Variants in SSTR5 observed in about 807,000 individuals in gnomAD.
SSTR5 encodes the protein somatostatin receptor 5.
SSTR5 carries 1 observed loss-of-function variant against 0.3 expected under a neutral mutation model. The ratio of observed to expected loss-of-function variants is 2.98; its 90% CI spans 1.06 to 14.15. The LOEUF (loss-of-function observed/expected upper bound fraction) is 14.15, where lower values mean the gene tolerates loss of function less well. Ranked by LOEUF, SSTR5 falls within the 30% of genes most tolerant of loss-of-function variation. SSTR5 has a pLI of 0.12. For missense variants in SSTR5, 516 were observed against 543.2 expected (o/e 0.95, Z 0.50); for synonymous variants, 256 against 263.1 (o/e 0.97, Z 0.26).
chr16:1,079,997 C>A lies in SSTR5; in HGVS notation c.*34C>A, dbSNP rs757243200. The A allele has an allele frequency of 6.4e-7, 1 of 1,556,652 alleles. No homozygotes were observed. Among genetic ancestry groups the A allele is most frequent in the Non-Finnish European group, 8.7e-7 (1 of 1,153,278 alleles). On this transcript the variant is annotated 3_prime_UTR_variant, in exon 2 of 2. Transcript: ENST00000689027. ...GCGGGGGGTGGGCGGCCCCGTGTCA[C>A]CCCCAGGAGCGGAGGTTGCACTGCG...
intron 1 of SSTR5, among the ~76,000 whole-genome samples, chr16:1,077,304 G>A (rs1004184454): frequency 1.3e-5 from 2 of 152,178 alleles, no homozygotes; most frequent in Non-Finnish European, 2.9e-5. Context: ...CCCAGGGAGG[G>A]GCTTGTCCCT....
In SSTR5 at chr16:1,080,903, T is replaced by C. The variant is rs753926459; in HGVS notation, c.*940T>C. ...ACAGGGAACCTGCGGCCGTCTCTTC[T>C]GCTTTGGGGCAGGGGCTCTGGCCCG... On this transcript the variant is annotated 3_prime_UTR_variant, in exon 2 of 2. Coordinates refer to ENST00000689027, the MANE Select transcript of SSTR5 (RefSeq NM_001172560.3). 2.1e-5 allele frequency: 8 copies of C among 386,858 alleles called. No homozygotes were observed. The highest frequency in any genetic ancestry group is 4.3e-5 in the Non-Finnish European group (8 of 185,698). 24.0% of individuals were successfully genotyped at this position (386,858 alleles called of 1,614,324 possible).
chr16:1,077,567 G>A (rs1960238401), intron 1 of SSTR5: 2 of 152,342 alleles, frequency 1.3e-5, no homozygotes, highest in Admixed American at 1.3e-4. Flanking sequence ...GGGACTACAG[G>A]CGCCCGCCAC....
chr16:1,080,100 G>C lies in SSTR5; in HGVS notation c.*137G>C, dbSNP rs1253893451. The C allele has an allele frequency of 1.6e-6, 2 of 1,228,044 alleles. No homozygotes were observed. The highest frequency in any genetic ancestry group is 3.0e-5 in the African/African-American group (2 of 65,654). 76.1% of individuals were successfully genotyped at this position (1,228,044 alleles called of 1,614,324 possible). ...GGACAGAGCTGGCTGAAGCCAGGCT[G>C]GGGTAGACACAGGGCAGTAGGTTCC... is the stretch of plus-strand genomic sequence containing the variant. On this transcript the variant is annotated 3_prime_UTR_variant, in exon 2 of 2. Transcript: ENST00000689027.
rs1005123878 is a variant in SSTR5, at chr16:1,080,422, C to T, written c.*459C>T. On this transcript the variant is annotated 3_prime_UTR_variant, in exon 2 of 2. Coordinates refer to ENST00000689027, the MANE Select transcript of SSTR5 (RefSeq NM_001172560.3). ...CAAGGCTGCTCTGCTAAGTTAAAGA[C>T]ACCCGAAAGCGCTTGACTCAGGTCC... is the stretch of plus-strand genomic sequence containing the variant. Among the ~76,000 whole-genome samples, 7 of 152,266 alleles carry T rather than the reference C, an allele frequency of 4.6e-5. No individual in the cohort carries two copies. Among genetic ancestry groups the T allele is most frequent in the Non-Finnish European group, 7.3e-5 (5 of 68,042 alleles).
At chr16:1,072,940 C>A (rs1405759256) in intron 1 of SSTR5, 118 bp downstream of exon 1, 4 of 152,336 alleles carry the variant, frequency 2.6e-5, no homozygotes, top group Non-Finnish European at 1.5e-5. Context: ...CGCCGTGCGC[C>A]CCCAGCCCGC....
chr16:1,078,597 C>T, intron 1 of SSTR5: 1 of 551,710 alleles, frequency 1.8e-6, no homozygotes, highest in East Asian at 3.1e-5. Flanking sequence ...GCAGCTGTCG[C>T]CATATCGACA....
intron 1 of SSTR5, among the ~76,000 whole-genome samples, chr16:1,075,141 TC>T (rs1960167248): frequency 1.3e-5 from 2 of 152,192 alleles, no homozygotes; most frequent in Admixed American, 1.3e-4. Flanking sequence ...GGATACTGCT[TC>T]CAAATAACGG....
rs766835623 is a variant in SSTR5 at position 1,079,349 on chromosome 16, G to T, written c.481G>T (p.Ala161Ser). ...CCCGCGTGTGGCCAAGCTGGCGAGC[G>T]CCGCGGCCTGGGTCCTGTCTCTGTG... ...RRPRVAKLASAAAWVLSLCMS... is the reference protein window; with the variant it reads ...RRPRVAKLASSAAWVLSLCMS... The change falls in exon 2 of 2, where the codon GCC (alanine) becomes TCC (serine). Residue 161 changes from alanine to serine, a missense_variant. Physicochemically the swap from Ala to Ser is moderately conservative, Grantham distance 99 (BLOSUM62 1). Transcript: ENST00000689027. 2 of 1,602,548 alleles carry T rather than the reference G, an allele frequency of 1.2e-6. No homozygotes were observed. The highest frequency in any genetic ancestry group is 2.2e-5 in the East Asian group (1 of 44,600).
rs770507797 is a variant in SSTR5, at chr16:1,079,877, C to A, written c.1009C>A (p.Pro337Thr). The stretch of plus-strand genomic sequence containing the variant: ...GGACGCTGACGCCACGGAGCCGCGT[C>A]CAGACAGGATCCGGCAGCAGCAGGA... ...AKDADATEPR[P>T]DRIRQQQEAT... Residue 337 changes from proline (P) to threonine (T), a missense_variant, in exon 2 of 2, where the codon CCA becomes ACA. Physicochemically the swap from Pro to Thr is conservative, Grantham distance 38. Transcript: ENST00000689027. 2 of 1,610,228 alleles carry A rather than the reference C, an allele frequency of 1.2e-6. No individual in the cohort carries two copies. The highest frequency in any genetic ancestry group is 1.7e-6 in the Non-Finnish European group (2 of 1,179,226).
chr16:1,077,959 C>T (rs8062365), intron 1 of SSTR5: 1,809 of 152,090 alleles, frequency 0.012, 20 homozygotes, highest in South Asian at 0.028. Flanking sequence ...TGGGCAGTGT[C>T]AGGTGGCTGC....
chr16:1,074,578 G>A (rs117195398), intron 1 of SSTR5, among the ~76,000 whole-genome samples: 1,630 of 152,342 alleles, frequency 0.011, 10 homozygotes, highest in Middle Eastern at 0.02. Flanking sequence ...GGATGCTGGG[G>A]AAATGCTGGG....
In SSTR5 at chr16:1,079,827, G is replaced by C. The variant is rs1464528080; in HGVS notation, c.959G>C (p.Cys320Ser). 6.2e-7 allele frequency: 1 copy of C among 1,612,144 alleles called. No homozygotes were observed. The highest frequency in any genetic ancestry group is 1.7e-5 in the Admixed American group (1 of 60,016). ...NFRQSFQKVL[C>S]LRKGSGAKDA... ...CGCCAGAGCTTCCAGAAGGTTCTGT[G>C]CCTCCGCAAGGGCTCTGGTGCCAAG... Residue 320 changes from cysteine (C) to serine (S), a missense_variant, in exon 2 of 2, where the codon TGC becomes TCC. Cys to Ser is a moderately radical substitution (Grantham distance 112, BLOSUM62 -1). Coordinates refer to ENST00000689027, the MANE Select transcript of SSTR5 (RefSeq NM_001172560.3).
At chr16:1,075,779 G>C (rs372716163) in intron 1 of SSTR5, among the ~76,000 whole-genome samples, 3 of 151,728 alleles carry the variant, frequency 2.0e-5, no homozygotes, top group African/African-American at 4.8e-5. Context: ...AGAGGGAGCC[G>C]CAAACATGGC....
intron 1 of SSTR5, among the ~76,000 whole-genome samples, chr16:1,076,253 ACCC>A (rs1400562173): frequency 2.1e-3 from 1 of 474 alleles, no homozygotes; most frequent in Non-Finnish European, 3.1e-3. Flanking sequence ...CCTCCCTGCC[ACCC>A]CCTCCCTCTC....
Position 1,074,782 on chromosome 16 carries a change from G to A in SSTR5, c.-28+1960G>A, listed in dbSNP as rs972437055. ...ATGGTGAGTTGTGGGGTGGGGGCAG[G>A]AGATGGGAGGGATGGATGCTGCTGG... On this transcript the variant is annotated intron_variant, in intron 1 of 1. Coordinates refer to ENST00000689027, the MANE Select transcript of SSTR5 (RefSeq NM_001172560.3). Among the ~76,000 whole-genome samples, 7 of 152,224 alleles carry A rather than the reference G, an allele frequency of 4.6e-5. No homozygotes were observed. The South Asian group carries it at 1.4e-3, about 32-fold the overall frequency.
chr16:1,076,348 C>T (rs1369485354), intron 1 of SSTR5, among the ~76,000 whole-genome samples: 1 of 600 alleles, frequency 1.7e-3, no homozygotes, highest in Non-Finnish European at 3.6e-3. Flanking sequence ...CCCTCTTCTC[C>T]CACCCCGGGG....
intron 1 of SSTR5, among the ~76,000 whole-genome samples, chr16:1,074,325 C>G (rs534421217): frequency 6.6e-6 from 1 of 152,240 alleles, no homozygotes; most frequent in Non-Finnish European, 1.5e-5. Flanking sequence ...GCGTGGGCCC[C>G]GGCCGTGTGA....
Position 1,080,330 on chromosome 16 carries a change from C to G in SSTR5, c.*367C>G, listed in dbSNP as rs1233007923. Among the ~76,000 whole-genome samples the G allele has an allele frequency of 6.6e-6, 1 of 152,236 alleles. No homozygotes were observed. The highest frequency in any genetic ancestry group is 1.5e-5 in the Non-Finnish European group (1 of 68,030). On this transcript the variant is annotated 3_prime_UTR_variant, in exon 2 of 2. Coordinates refer to ENST00000689027, the MANE Select transcript of SSTR5 (RefSeq NM_001172560.3). Reference sequence around the variant, plus strand: ...AGGCCGGCCAGGCGAGAGGGTCTTCCTGACGGCGGAGCTGACCTGCCCGGC... The same window carrying G: ...AGGCCGGCCAGGCGAGAGGGTCTTCGTGACGGCGGAGCTGACCTGCCCGGC...
Sources: gnomAD v4.1 joint callset for allele counts (sites outside exome capture counted in the v4.1 genomes callset) on GRCh38, gnomAD v4.1.1 for gene constraint, MANE v1.5 for transcripts, NCBI Gene and HGNC (gene_info 2026-07-23, HGNC 2026-07-21) for gene names.